Variants in PKHD1 observed in about 807,000 individuals in gnomAD.
PKHD1 encodes the protein PKHD1 ciliary IPT domain containing fibrocystin/polyductin, also known as fibrocystin.
A neutral mutation model predicts 412.0 loss-of-function variants in PKHD1; 291 were observed. The ratio of observed to expected loss-of-function variants is 0.71; its 90% confidence interval spans 0.64 to 0.78. The LOEUF is 0.78. Among genes scored for constraint, PKHD1 ranks in the 30% least tolerant of loss-of-function variants. The pLI is 0.00. For synonymous variants in PKHD1, 1,777 were observed against 1,821.5 expected (o/e 0.98, Z 0.62); for missense variants, 4,825 against 4,950.7 (o/e 0.97, Z 0.76).
At chr6:51,885,767 C>T (rs936113592) in intron 45 of PKHD1, 100 bp downstream of exon 45, 45 of 804,380 alleles carry the variant, frequency 5.6e-5, no homozygotes, top group Non-Finnish European at 8.6e-5. Context: ...GCAAGTCAAT[C>T]CCATTTAAGT....
chr6:51,806,077 G>A (rs900630029), intron 52 of PKHD1, among the ~76,000 whole-genome samples: 4 of 149,728 alleles, frequency 2.7e-5, no homozygotes, highest in Non-Finnish European at 5.9e-5. Context: ...TGATGGGAGG[G>A]GGGAGGGATA....
At chr6:51,899,889 C>T (rs983202731) in intron 43 of PKHD1, among the ~76,000 whole-genome samples, 129 of 152,136 alleles carry the variant, frequency 8.5e-4, no homozygotes, top group Non-Finnish European at 1.5e-3. Context: ...AAACAGAGTG[C>T]CAAATCATGA....
intron 45 of PKHD1, among the ~76,000 whole-genome samples, chr6:51,883,643 T>A (rs1777743624): frequency 6.6e-6 from 1 of 152,228 alleles, no homozygotes; most frequent in Non-Finnish European, 1.5e-5. Context: ...CAGCTCAGCA[T>A]GACTACAGAG....
intron 39 of PKHD1, among the ~76,000 whole-genome samples, chr6:51,911,095 C>A (rs140812779): frequency 1.3e-5 from 2 of 152,098 alleles, no homozygotes; most frequent in African/African-American, 4.8e-5. Context: ...CCCATCCCAG[C>A]AAATAGCCTC....
At chr6:51,951,741 C>G (rs922757712) in intron 36 of PKHD1, among the ~76,000 whole-genome samples, 4 of 152,092 alleles carry the variant, frequency 2.6e-5, no homozygotes, top group Admixed American at 1.3e-4. Context: ...ATCCCAAATA[C>G]AAAAGTACTT....
At chr6:51,972,697 G>A (rs759852531) in intron 35 of PKHD1, among the ~76,000 whole-genome samples, 1 of 152,170 alleles carries the variant, frequency 6.6e-6, no homozygotes, top group Non-Finnish European at 1.5e-5. Flanking sequence ...TAAGCTCTTA[G>A]AGCCCAGTTT....
At chr6:51,872,908 T>C (rs1290834720) in intron 46 of PKHD1, among the ~76,000 whole-genome samples, 5 of 134,774 alleles carry the variant, frequency 3.7e-5, no homozygotes, top group Non-Finnish European at 6.2e-5. Context: ...TTCAGAAAGT[T>C]ACCTTAGGGT....
chr6:51,684,192 A>G (rs2150581117), intron 60 of PKHD1, among the ~76,000 whole-genome samples: 1 of 152,214 alleles, frequency 6.6e-6, no homozygotes, highest in East Asian at 1.9e-4. Context: ...TTGTAGCTGT[A>G]CTTGAAGGAC....
intron 60 of PKHD1, among the ~76,000 whole-genome samples, chr6:51,690,077 G>A (rs1777952502): frequency 6.6e-6 from 1 of 151,842 alleles, no homozygotes; most frequent in African/African-American, 2.4e-5. Flanking sequence ...CTCGAGACCA[G>A]CTTGGTCAAT....
chr6:51,982,670 T>A (rs1795615081), intron 35 of PKHD1, among the ~76,000 whole-genome samples: 2 of 147,774 alleles, frequency 1.4e-5, no homozygotes, highest in South Asian at 4.4e-4. Context: ...ACACAAACAC[T>A]GCGGAAGGCC....
Position 52,062,508 on chromosome 6 carries a change from C to A in PKHD1, c.1118+11G>T. The A allele has an allele frequency of 6.2e-7, 1 of 1,613,922 alleles. No individual in the cohort carries two copies. The highest frequency in any genetic ancestry group is 8.5e-7 in the Non-Finnish European group (1 of 1,179,810). On this transcript the variant is annotated intron_variant, in intron 14 of 66. Transcript: ENST00000371117. ...CTTTTGATGTGGGCTCCCACTTTTC[C>A]TACAACATACCTGAAAGGTTGTCCT...
chr6:51,815,982 C>T (rs934617802), intron 52 of PKHD1, among the ~76,000 whole-genome samples: 13 of 151,996 alleles, frequency 8.6e-5, no homozygotes, highest in African/African-American at 3.1e-4. Flanking sequence ...ACTAATATGT[C>T]TTTAAAAAAG....
At chr6:51,687,422 A>G (rs1248335226) in intron 60 of PKHD1, among the ~76,000 whole-genome samples, 1 of 152,232 alleles carries the variant, frequency 6.6e-6, no homozygotes, top group Non-Finnish European at 1.5e-5. Context: ...TGTTGACAAC[A>G]TGAAAGATAA....
chr6:52,060,992 C>T (rs1339421955), intron 14 of PKHD1, among the ~76,000 whole-genome samples: 1 of 152,120 alleles, frequency 6.6e-6, no homozygotes, highest in East Asian at 1.9e-4. Context: ...AAGGGACATA[C>T]CCTGCAACAC....
At chr6:51,630,487 T>C (rs1767795037) in intron 65 of PKHD1, among the ~76,000 whole-genome samples, 1 of 152,206 alleles carries the variant, frequency 6.6e-6, no homozygotes, top group African/African-American at 2.4e-5. Context: ...AATGCATGTA[T>C]TATTTTAAAA....
intron 16 of PKHD1, among the ~76,000 whole-genome samples, chr6:52,057,708 C>A (rs2128210972): frequency 6.6e-6 from 1 of 152,320 alleles, no homozygotes; most frequent in East Asian, 1.9e-4. Context: ...AGCCACCACA[C>A]CTGGCCAGCT....
At position 51,618,059 on chromosome 6, in the gene PKHD1, A is replaced by G. The variant is rs1023195781; in HGVS notation, c.*1022T>C. Reference sequence around the variant, plus strand: ...GTTTGAAAAGAAATGGGCCCCGTACAAATGTGTGAATTTGGTGAAATTGCC... The same window carrying G: ...GTTTGAAAAGAAATGGGCCCCGTACGAATGTGTGAATTTGGTGAAATTGCC... On this transcript the variant is annotated 3_prime_UTR_variant, in exon 67 of 67. Coordinates refer to ENST00000371117, the MANE Select transcript of PKHD1 (RefSeq NM_138694.4). 6.6e-6 allele frequency: 1 copy of G among 152,208 alleles called. No individual in the cohort carries two copies. The highest frequency in any genetic ancestry group is 1.5e-5 in the Non-Finnish European group (1 of 68,050). 9.4% of individuals were successfully genotyped at this position (152,208 alleles called of 1,614,324 possible).
intron 29 of PKHD1, among the ~76,000 whole-genome samples, chr6:52,031,183 G>A (rs918657033): frequency 1.3e-5 from 2 of 152,188 alleles, no homozygotes; most frequent in Non-Finnish European, 2.9e-5. Flanking sequence ...CCTATCAAAT[G>A]AAGGAACTGA....
intron 1 of PKHD1, among the ~76,000 whole-genome samples, chr6:52,087,118 A>G (rs1289206596): frequency 1.3e-5 from 2 of 152,186 alleles, no homozygotes; most frequent in Non-Finnish European, 2.9e-5. Context: ...TTATTAGTCT[A>G]TCCACTAATT....
Sources: allele counts gnomAD v4.1 joint callset (sites outside exome capture counted in the v4.1 genomes callset), GRCh38; gene constraint gnomAD v4.1.1; transcripts MANE v1.5; gene names NCBI Gene and HGNC (gene_info 2026-07-23, HGNC 2026-07-21).